The following ADRA1A variants were observed in gnomAD, a reference collection of about 807,000 sequenced individuals.
The protein encoded by ADRA1A is adrenoceptor alpha 1A.
A neutral mutation model predicts 29.6 loss-of-function variants in ADRA1A; 31 were observed. The observed-to-expected ratio is 1.05, with a 90% CI of 0.79 to 1.41. The LOEUF is 1.41. Among genes scored for constraint, ADRA1A ranks in the 40% most tolerant of loss-of-function variants. The pLI is 0.00. For synonymous variants in ADRA1A, 311 were observed against 254.3 expected (o/e 1.22, Z -2.12); for missense variants, 619 against 601.1 (o/e 1.03, Z -0.31).
intron 2 of ADRA1A, among the ~76,000 whole-genome samples, chr8:26,781,102 A>T (rs954981726): frequency 6.6e-6 from 1 of 152,234 alleles, no homozygotes; most frequent in African/African-American, 2.4e-5. Flanking sequence ...CCATGAAACC[A>T]GTCCCTTGTG....
downstream of ADRA1A, among the ~76,000 whole-genome samples, chr8:26,755,023 G>T (rs1805092120): frequency 6.6e-6 from 1 of 152,166 alleles, no homozygotes; most frequent in African/African-American, 2.4e-5. Context: ...TTAAAAACAT[G>T]CTGCATAACA....
At chr8:26,863,078 C>G (rs146451317) in intron 2 of ADRA1A, among the ~76,000 whole-genome samples, 1 of 152,098 alleles carries the variant, frequency 6.6e-6, no homozygotes, top group African/African-American at 2.4e-5. Context: ...TAAGTATATG[C>G]CATTTAAATT....
intron 2 of ADRA1A, among the ~76,000 whole-genome samples, chr8:26,804,786 T>A (rs569462384): frequency 6.6e-6 from 1 of 152,350 alleles, no homozygotes. Flanking sequence ...AGGATGGTTA[T>A]GTCAGAGAGC....
At chr8:26,776,456 A>C (rs2130321373) in intron 2 of ADRA1A, among the ~76,000 whole-genome samples, 1 of 152,322 alleles carries the variant, frequency 6.6e-6, no homozygotes, top group East Asian at 1.9e-4. Flanking sequence ...AAATGTGAAG[A>C]CTGGCAGGCA....
At chr8:26,842,551 C>T (rs1417658576) in intron 2 of ADRA1A, among the ~76,000 whole-genome samples, 1 of 152,094 alleles carries the variant, frequency 6.6e-6, no homozygotes, top group South Asian at 2.1e-4. Flanking sequence ...TATTTTACTG[C>T]CACACCCCTG....
intron 2 of ADRA1A, among the ~76,000 whole-genome samples, chr8:26,794,539 ATG>A (rs1172713189): frequency 6.6e-6 from 1 of 152,132 alleles, no homozygotes; most frequent in Non-Finnish European, 1.5e-5. Context: ...AGGTAAATGA[ATG>A]TGTGTGACTG....
At chr8:26,773,506 C>T (rs1374030606) in intron 2 of ADRA1A, among the ~76,000 whole-genome samples, 1 of 152,098 alleles carries the variant, frequency 6.6e-6, no homozygotes, top group African/African-American at 2.4e-5. Context: ...TTAATGACTA[C>T]AAGAATGTCT....
At position 26,792,873 on chromosome 8, in the gene ADRA1A, A is replaced by T. The variant is rs566845400; in HGVS notation, c.884-22207T>A. On this transcript the variant is annotated intron_variant, in intron 2 of 2. Transcript: ENST00000380573. ...TAAAATTAAGTATGAACATGTTCAA[A>T]TATGTGAATTACAAAAATAAATGTA... is the stretch of plus-strand genomic sequence containing the variant. Among the ~76,000 whole-genome samples the T allele has an allele frequency of 1.6e-3, 240 of 151,224 alleles. 1 individual carries two copies. Among genetic ancestry groups the T allele is most frequent in the Non-Finnish European group, 5.8e-4 (39 of 67,686 alleles).
rs17426222 is a variant in ADRA1A at position 26,860,300 on chromosome 8, C to T, written c.883+3787G>A. 0.21 allele frequency among the ~76,000 whole-genome samples: 31,352 copies of T among 152,026 alleles called. 3,840 individuals are homozygous for T. Among genetic ancestry groups the T allele is most frequent in the Non-Finnish European group, 0.27 (18,198 of 67,962 alleles). On this transcript the variant is annotated intron_variant, in intron 2 of 2. Transcript: ENST00000380573. The surrounding 1 kb of genome is among the most constrained non-coding windows in gnomAD (Gnocchi z 4.7). The stretch of plus-strand genomic sequence containing the variant: ...CACTGCAAGCTCCAAACTCTCAGGC[C>T]ACCCATCGTCACCTGGGCTCCTTCT...
At chr8:26,765,073 C>G (rs1585638541), downstream of ADRA1A, among the ~76,000 whole-genome samples, 1 of 152,212 alleles carries the variant, frequency 6.6e-6, no homozygotes, top group African/African-American at 2.4e-5. Context: ...CAGTTCCTTG[C>G]TTATCAGTTG....
At chr8:26,752,641 C>A (rs117439016), downstream of ADRA1A, among the ~76,000 whole-genome samples, 1 of 152,154 alleles carries the variant, frequency 6.6e-6, no homozygotes, top group Non-Finnish European at 1.5e-5. Flanking sequence ...TTTGCCCTAA[C>A]TGCCTAAATA....
rs987898248 is a variant in ADRA1A, at chr8:26,815,598, G to C, written c.884-44932C>G. On this transcript the variant is annotated intron_variant, in intron 2 of 2. Coordinates refer to ENST00000380573, the MANE Select transcript of ADRA1A (RefSeq NM_000680.4). This position sits in a 1 kb window ranked among gnomAD's most constrained non-coding sequence, Gnocchi z 4.2. Reference sequence around the variant, plus strand: ...CAAGCTTGAACCCTCACAGAGCTAGGCCTTTAGTGAAAGGTAGATGACTAG... The same window carrying C: ...CAAGCTTGAACCCTCACAGAGCTAGCCCTTTAGTGAAAGGTAGATGACTAG... 6.6e-6 allele frequency among the ~76,000 whole-genome samples: 1 copy of C among 152,122 alleles called. No individual in the cohort carries two copies.
downstream of ADRA1A, among the ~76,000 whole-genome samples, chr8:26,755,715 C>T (rs1805132806): frequency 1.3e-5 from 2 of 152,144 alleles, no homozygotes; most frequent in Non-Finnish European, 2.9e-5. Context: ...ACTGTATTAC[C>T]ATCACAGGTG....
At chr8:26,836,041 C>G (rs1172713234) in intron 2 of ADRA1A, 2 of 162,582 alleles carry the variant, frequency 1.2e-5, no homozygotes, top group Admixed American at 6.4e-5. Flanking sequence ...AACCCAGGAG[C>G]AGGGCAGAAG....
chr8:26,797,888 A>C (rs1808290436), intron 2 of ADRA1A, among the ~76,000 whole-genome samples: 1 of 152,190 alleles, frequency 6.6e-6, no homozygotes, highest in Non-Finnish European at 1.5e-5. Context: ...CCAAGGTCTT[A>C]AACATGAAGT....
intron 2 of ADRA1A, among the ~76,000 whole-genome samples, chr8:26,786,115 A>T (rs960871613): frequency 6.6e-6 from 1 of 152,098 alleles, no homozygotes; most frequent in African/African-American, 2.4e-5. Context: ...ATGAAGCCCA[A>T]CGTCCATAGC....
At position 26,796,698 on chromosome 8, in the gene ADRA1A, T is replaced by G. The variant is rs62492215; in HGVS notation, c.884-26032A>C. Among the ~76,000 whole-genome samples the G allele has an allele frequency of 0.08, 12,088 of 151,956 alleles. 524 individuals are homozygous for G. Among genetic ancestry groups the G allele is most frequent in the African/African-American group, 0.13 (5,508 of 41,420 alleles). ...GAATGATGCTAAAGGAGGGTCAGTGTAAAAGTGGATAGAGAGATGATTAAT... is the reference window on the plus strand; with the variant it reads ...GAATGATGCTAAAGGAGGGTCAGTGGAAAAGTGGATAGAGAGATGATTAAT... On this transcript the variant is annotated intron_variant, in intron 2 of 2. Transcript: ENST00000380573. The surrounding 1 kb of genome is among the most constrained non-coding windows in gnomAD (Gnocchi z 5.0).
intron 2 of ADRA1A, among the ~76,000 whole-genome samples, chr8:26,782,629 T>A (rs1282449420): frequency 6.6e-6 from 1 of 152,214 alleles, no homozygotes; most frequent in East Asian, 1.9e-4. Flanking sequence ...ATCTGAGAAC[T>A]GGCTGGTACT....
chr8:26,847,674 C>T (rs1812314231), intron 2 of ADRA1A, among the ~76,000 whole-genome samples: 1 of 152,230 alleles, frequency 6.6e-6, no homozygotes, highest in Admixed American at 6.5e-5. Flanking sequence ...GACGACTGCT[C>T]TGCCAGCATT....
Sources: allele counts gnomAD v4.1 joint callset (sites outside exome capture counted in the v4.1 genomes callset), GRCh38; gene constraint gnomAD v4.1.1; non-coding constraint Gnocchi (gnomAD v3.1); transcripts MANE v1.5; gene names NCBI Gene and HGNC (gene_info 2026-07-23, HGNC 2026-07-21).